The following CIAO3 variants were observed in gnomAD, a reference collection of about 807,000 sequenced individuals.
CIAO3 encodes cytosolic iron-sulfur assembly component 3.
Under a neutral mutation model 51.5 loss-of-function variants are expected in CIAO3, and 45 were observed. That is an observed-to-expected ratio of 0.87 (90% confidence interval 0.69 to 1.12). The LOEUF is 1.12. Ranked by LOEUF, CIAO3 falls within the 50% of genes most tolerant of loss-of-function variation. The pLI is 0.00. For missense variants in CIAO3, 668 were observed against 632.5 expected (o/e 1.06, Z -0.60); for synonymous variants, 314 against 269.3 (o/e 1.17, Z -1.63).
intron 6 of CIAO3, chr16:733,836 C>T (rs112528298): frequency 2.8e-5 from 10 of 361,036 alleles, no homozygotes; most frequent in African/African-American, 8.4e-5. Context: ...CAGGCACCAC[C>T]GGGGCCGCCC....
intron 7 of CIAO3, chr16:732,839 T>A (rs968426492): frequency 4.7e-5 from 15 of 321,958 alleles, no homozygotes; most frequent in Middle Eastern, 1.1e-3. Context: ...GGTTTCATCA[T>A]CTCGGCCAGG....
At chr16:731,205 C>T (rs759435709) in intron 9 of CIAO3, 24 of 689,398 alleles carry the variant, frequency 3.5e-5, no homozygotes, top group Non-Finnish European at 5.5e-5. Context: ...TCACCTCCAG[C>T]CTCGGGCTGT....
Position 730,637 on chromosome 16 carries a change from C to G in CIAO3, c.1211G>C (p.Gly404Ala). 6.2e-7 allele frequency: 1 copy of G among 1,609,210 alleles called. No individual in the cohort carries two copies. Among genetic ancestry groups the G allele is most frequent in the Non-Finnish European group, 8.5e-7 (1 of 1,179,832 alleles). ...ACPSGCLNGG[G>A]QLQAPDRPSR... The stretch of plus-strand genomic sequence containing the variant: ...GGGCCTGTCTGGGGCCTGGAGCTGG[C>G]CCCCGCCGTTCAGGCAGCCTATGGG... The change falls in exon 11 of 11, where the codon GGC becomes GCC. Residue 404 changes from glycine to alanine, a missense_variant. By Grantham distance (60) the Gly-to-Ala change is moderately conservative (BLOSUM62 0). Coordinates refer to ENST00000251588, the MANE Select transcript of CIAO3 (RefSeq NM_022493.3).
Position 730,459 on chromosome 16 carries a change from G to T in CIAO3, c.1389C>A (p.His463Gln). 4 of 1,606,630 alleles carry T rather than the reference G, an allele frequency of 2.5e-6. No homozygotes were observed. In the East Asian group the frequency reaches 6.7e-5, roughly 27 times the overall value. The change falls in exon 11 of 11, where the codon CAC becomes CAA. Residue 463 changes from histidine (H) to glutamine (Q), a missense_variant. Physicochemically the swap from His to Gln is conservative, Grantham distance 24. Transcript: ENST00000251588. ...GGCCAGTGCTGGCCTTCTCCACGGC[G>T]TGGTACTGCGTATGCAGCAAGCGAC... ...CAGRLLHTQY[H>Q]AVEKASTGLG... is the part of the protein sequence containing the mutation.
intron 8 of CIAO3, 64 bp downstream of exon 8, chr16:732,237 G>T: frequency 6.6e-7 from 1 of 1,505,238 alleles, no homozygotes; most frequent in Non-Finnish European, 9.1e-7. Flanking sequence ...AGAGCAGGGG[G>T]ATGCTATCCT....
intron 9 of CIAO3, 191 bp downstream of exon 9, chr16:731,374 G>T: frequency 1.3e-6 from 1 of 751,200 alleles, no homozygotes; most frequent in Non-Finnish European, 2.0e-6. Context: ...CTGAGGCCTG[G>T]AGTGCTTAGG....
At chr16:732,428 C>T in intron 7 of CIAO3, 55 bp from the exon 8 acceptor site, 1 of 1,594,582 alleles carries the variant, frequency 6.3e-7, no homozygotes, top group East Asian at 2.2e-5. Context: ...GCAACAAAGT[C>T]AGAGAACATC....
In CIAO3 at chr16:736,329, C is replaced by T. The variant is rs1400799015; in HGVS notation, c.376G>A (p.Ala126Thr). ...VSPQSRASLAARFQLNPTDTA... is the reference protein window; with the variant it reads ...VSPQSRASLATRFQLNPTDTA... ...TCTGTAGGATTCAGCTGAAACCGTG[C>T]AGCCAGCGATGCTCTAGACTGTGGT... is the stretch of plus-strand genomic sequence containing the variant. Residue 126 changes from alanine (A) to threonine (T), a missense_variant, in exon 4 of 11, where the codon GCA becomes ACA. Transcript: ENST00000251588. The T allele has an allele frequency of 8.1e-6, 13 of 1,612,942 alleles. No homozygotes were observed. Among genetic ancestry groups the T allele is most frequent in the Non-Finnish European group, 1.1e-5 (13 of 1,179,826 alleles).
chr16:740,392 G>A (rs2041379135), intron 1 of CIAO3: 2 of 320,074 alleles, frequency 6.2e-6, no homozygotes, highest in African/African-American at 2.2e-5. Context: ...ACTGCGGGGC[G>A]TCTAGCGGGC....
rs981426728 is a variant in CIAO3 at position 740,968 on chromosome 16, G to A, written c.18C>T (p.Ser6=). 7.3e-6 allele frequency: 11 copies of A among 1,513,908 alleles called. No homozygotes were observed. The highest frequency in any genetic ancestry group is 1.4e-5 in the African/African-American group (1 of 70,498). The allele number at this position is 1,513,908 out of a possible 1,614,324, so 93.8% of individuals were successfully genotyped here. A position where few individuals can be genotyped will look rare whatever the true frequency, so the allele number is the denominator to read the frequency against. Residue 6 remains serine (S), a synonymous_variant, in exon 1 of 11, where the codon AGC becomes AGT. Coordinates refer to ENST00000251588, the MANE Select transcript of CIAO3 (RefSeq NM_022493.3). The stretch of plus-strand genomic sequence containing the variant: ...CCAGGTCCGTCAGCTGCAGCGCCCC[G>A]CTGAAGGGCGACGCCATGACGGCCG... MASPF[S]GALQLTDLDD...
At chr16:731,300 A>G in intron 9 of CIAO3, 1 of 582,592 alleles carries the variant, frequency 1.7e-6, no homozygotes, top group African/African-American at 1.9e-5. Flanking sequence ...TGCGCCAGGC[A>G]CCCATCACCT....
At chr16:735,756 G>A (rs933653796) in intron 4 of CIAO3, among the ~76,000 whole-genome samples, 1 of 152,204 alleles carries the variant, frequency 6.6e-6, no homozygotes, top group Non-Finnish European at 1.5e-5. Context: ...CTGGTTACAA[G>A]GCGCACAGGC....
rs1005885194 is a variant in CIAO3 at position 730,303 on chromosome 16, C to T, written c.*114G>A. On this transcript the variant is annotated 3_prime_UTR_variant, in exon 11 of 11. Coordinates refer to ENST00000251588, the MANE Select transcript of CIAO3 (RefSeq NM_022493.3). ...GCTAGTCCTAGCTCCTACTCGGGTC[C>T]CAGCACACCCTGCAGCTCACTCAGA... The T allele has an allele frequency of 9.0e-7, 1 of 1,113,656 alleles. No individual in the cohort carries two copies. The highest frequency in any genetic ancestry group is 1.3e-6 in the Non-Finnish European group (1 of 764,898). The allele number at this position is 1,113,656 out of a possible 1,614,324, so 69.0% of individuals were successfully genotyped here. A position where few individuals can be genotyped will look rare whatever the true frequency, so the allele number is the denominator to read the frequency against.
chr16:738,723 C>G (rs979871154), intron 2 of CIAO3, among the ~76,000 whole-genome samples: 5 of 151,388 alleles, frequency 3.3e-5, no homozygotes, highest in Admixed American at 6.6e-5. Context: ...TCTTGGTTCA[C>G]TGCAGTCCCT....
chr16:730,571 A>C lies in CIAO3; in HGVS notation c.1277T>G (p.Met426Arg). The C allele has an allele frequency of 6.2e-7, 1 of 1,611,082 alleles. No homozygotes were observed. Among genetic ancestry groups the C allele is most frequent in the Non-Finnish European group, 8.5e-7 (1 of 1,179,978 alleles). ...GTCCTCGGGCGCCTCAGCCCGGACC[A>C]TGCCGTACAGTCTCTCCACGTGCTG... ...LLQHVERLYG[M>R]VRAEAPEDAP... Residue 426 changes from methionine to arginine, a missense_variant, in exon 11 of 11, where the codon ATG becomes AGG. Physicochemically the swap from Met to Arg is moderately conservative, Grantham distance 91. Transcript: ENST00000251588.
intron 2 of CIAO3, chr16:739,306 C>T (rs1032550967): frequency 3.2e-6 from 1 of 315,580 alleles, no homozygotes; most frequent in African/African-American, 2.2e-5. Flanking sequence ...ATCAAACAAA[C>T]AAACAAACAA....
At position 737,623 on chromosome 16, in the gene CIAO3, G is replaced by A. The variant is rs1481048412; in HGVS notation, c.163-294C>T. ...GCAGCAGCCACCCCACTCACCCATG[G>A]GGCCCTGGACGGGGTGCTGGCCCCG... On this transcript the variant is annotated intron_variant, in intron 2 of 10. Transcript: ENST00000251588. The surrounding 1 kb of genome is among the most constrained non-coding windows in gnomAD (Gnocchi z 5.3). 1.2e-5 allele frequency: 17 copies of A among 1,386,694 alleles called. No individual in the cohort carries two copies. The highest frequency in any genetic ancestry group is 1.6e-5 in the Non-Finnish European group (17 of 1,052,806). The allele number at this position is 1,386,694 out of a possible 1,614,324, so 85.9% of individuals were successfully genotyped here. A position where few individuals can be genotyped will look rare whatever the true frequency, so the allele number is the denominator to read the frequency against.
At chr16:738,418 G>A in intron 2 of CIAO3, 1 of 758,534 alleles carries the variant, frequency 1.3e-6, no homozygotes, top group Non-Finnish European at 1.6e-6. Flanking sequence ...GTGCGATCTC[G>A]GCTCACTGCA....
At chr16:736,930 C>T (rs1002528734) in intron 3 of CIAO3, 1 of 492,100 alleles carries the variant, frequency 2.0e-6, no homozygotes. Context: ...TCCCAAAGTG[C>T]TGGTATGACA....
Sources: gnomAD v4.1 joint callset for allele counts (sites outside exome capture counted in the v4.1 genomes callset) on GRCh38, gnomAD v4.1.1 for gene constraint, Gnocchi (gnomAD v3.1) non-coding constraint, MANE v1.5 for transcripts, NCBI Gene and HGNC (gene_info 2026-07-23, HGNC 2026-07-21) for gene names.